Variants in CSMD3 observed in about 807,000 individuals in gnomAD.
CSMD3 encodes CUB and Sushi multiple domains 3.
CSMD3 carries 177 observed loss-of-function variants against 435.2 expected under a neutral mutation model. The ratio of observed to expected loss-of-function variants is 0.41; its 90% CI spans 0.36 to 0.46. The LOEUF is 0.46. Among genes scored for constraint, CSMD3 ranks in the 20% least tolerant of loss-of-function variants. The pLI, the probability that CSMD3 is intolerant of heterozygous loss-of-function variation, is 0.34. For missense variants in CSMD3, 4,265 were observed against 4,504.6 expected (o/e 0.95, Z 1.52); for synonymous variants, 1,656 against 1,520.5 (o/e 1.09, Z -2.07).
chr8:113,170,580 C>G (rs902240994), intron 4 of CSMD3, among the ~76,000 whole-genome samples: 1 of 152,072 alleles, frequency 6.6e-6, no homozygotes, highest in African/African-American at 2.4e-5. Context: ...TAATACCTTC[C>G]TTATCAAGAT....
At chr8:112,824,410 A>C (rs1318350215) in intron 12 of CSMD3, among the ~76,000 whole-genome samples, 1 of 152,000 alleles carries the variant, frequency 6.6e-6, no homozygotes, top group African/African-American at 2.4e-5. Context: ...TTTGGTCTTC[A>C]TATTTTGGTG....
Position 112,255,437 on chromosome 8 carries a change from AAAAG to A in CSMD3, c.9863-14_9863-11del. ...TCACCACAAAACTTTGCTGGAAATG[AAAAG>A]AAAGACGCTTATATCAAAGATTTAG... On this transcript the variant is annotated splice_polypyrimidine_tract_variant and intron_variant, in intron 61 of 70. Transcript: ENST00000297405. The A allele has an allele frequency of 6.2e-7, 1 of 1,613,396 alleles. No homozygotes were observed. The highest frequency in any genetic ancestry group is 8.5e-7 in the Non-Finnish European group (1 of 1,179,516).
chr8:112,237,081 T>C, intron 67 of CSMD3, 109 bp downstream of exon 67: 8 of 1,273,412 alleles, frequency 6.3e-6, no homozygotes, highest in Non-Finnish European at 9.1e-6. Flanking sequence ...CAAAAGCAAA[T>C]GTATCAAAAT....
At chr8:112,292,335 C>T (rs945056179) in intron 55 of CSMD3, among the ~76,000 whole-genome samples, 3 of 152,036 alleles carry the variant, frequency 2.0e-5, no homozygotes, top group Admixed American at 6.6e-5. Flanking sequence ...GAAATTAACT[C>T]TACCACTTTT....
chr8:112,599,943 G>A (rs374663968), intron 22 of CSMD3, among the ~76,000 whole-genome samples: 6 of 148,712 alleles, frequency 4.0e-5, no homozygotes, highest in Admixed American at 6.7e-5. Flanking sequence ...TGGGTGCAGC[G>A]CACCAGCATG....
At chr8:113,326,257 A>G (rs1273012694) in intron 1 of CSMD3, among the ~76,000 whole-genome samples, 3 of 152,154 alleles carry the variant, frequency 2.0e-5, no homozygotes, top group Non-Finnish European at 4.4e-5. Context: ...GAACATGTTG[A>G]TAGAGTTCAG....
At chr8:112,738,804 A>G (rs1366392734) in intron 13 of CSMD3, among the ~76,000 whole-genome samples, 1 of 151,744 alleles carries the variant, frequency 6.6e-6, no homozygotes, top group East Asian at 1.9e-4. Context: ...CAATAACTTT[A>G]TTTTAATGAA....
At chr8:112,613,918 T>A (rs998380488) in intron 22 of CSMD3, among the ~76,000 whole-genome samples, 1 of 151,980 alleles carries the variant, frequency 6.6e-6, no homozygotes, top group African/African-American at 2.4e-5. Context: ...AGGCCTAGAG[T>A]TTGAGACCAA....
At chr8:112,996,897 G>A (rs902295912) in intron 6 of CSMD3, among the ~76,000 whole-genome samples, 1 of 151,544 alleles carries the variant, frequency 6.6e-6, no homozygotes, top group Non-Finnish European at 1.5e-5. Flanking sequence ...GTTTCTTATG[G>A]AAGTCTTACA....
At chr8:112,827,872 C>T (rs943994519) in intron 12 of CSMD3, among the ~76,000 whole-genome samples, 23 of 152,080 alleles carry the variant, frequency 1.5e-4, no homozygotes, top group Admixed American at 3.9e-4. Flanking sequence ...ACAGTCCTAG[C>T]CAATTTTTGC....
intron 3 of CSMD3, among the ~76,000 whole-genome samples, chr8:113,210,141 T>G (rs2092817306): frequency 6.6e-6 from 1 of 151,980 alleles, no homozygotes; most frequent in Admixed American, 6.6e-5. Context: ...CATATTTTGC[T>G]TTTCACCAAT....
intron 13 of CSMD3, among the ~76,000 whole-genome samples, chr8:112,738,788 A>T (rs764229147): frequency 4.0e-5 from 6 of 151,722 alleles, no homozygotes; most frequent in Non-Finnish European, 5.9e-5. Context: ...TGTCTAAAAT[A>T]AAAAGCAATA....
chr8:113,026,184 G>C (rs977537023), intron 5 of CSMD3, among the ~76,000 whole-genome samples: 1 of 152,132 alleles, frequency 6.6e-6, no homozygotes, highest in Admixed American at 6.5e-5. Flanking sequence ...TGTATGTCGG[G>C]AACGGGGACT....
At chr8:112,715,112 C>CA (rs1439678486) in intron 13 of CSMD3, among the ~76,000 whole-genome samples, 6 of 151,626 alleles carry the variant, frequency 4.0e-5, no homozygotes, top group Admixed American at 6.6e-5. Context: ...AAAAACCCTT[C>CA]AAAAAAAGCA....
chr8:112,568,561 GAA>G (rs558484645), intron 24 of CSMD3, among the ~76,000 whole-genome samples: 1 of 129,560 alleles, frequency 7.7e-6, no homozygotes. Context: ...GCAAGGCACT[GAA>G]AAAAAAAAAA....
chr8:112,959,443 C>G (rs2084149249), intron 7 of CSMD3, among the ~76,000 whole-genome samples: 1 of 151,764 alleles, frequency 6.6e-6, no homozygotes, highest in Non-Finnish European at 1.5e-5. Context: ...TATTATAAAC[C>G]TATAATTCAA....
chr8:112,653,063 C>T (rs1272057088), intron 18 of CSMD3, among the ~76,000 whole-genome samples: 2 of 152,032 alleles, frequency 1.3e-5, no homozygotes, highest in East Asian at 1.9e-4. Flanking sequence ...GTGACACTCC[C>T]GCCTCAGCCT....
rs2131802727 is a variant in CSMD3 at position 112,685,461 on chromosome 8, C to T, written c.2427G>A (p.Leu809=). The change falls in exon 15 of 71, where the codon TTG becomes TTA. Residue 809 remains leucine (L), a synonymous_variant. Coordinates refer to ENST00000297405, the MANE Select transcript of CSMD3 (RefSeq NM_198123.2). The part of the protein sequence containing the change: ...HLTSNSHILR[L]EFQADHSMSG... ...ACATTGAGTGGTCAGCCTGAAATTC[C>T]AATCGCAGTATGTGACTATTACTAG... The T allele has an allele frequency of 6.2e-7, 1 of 1,613,954 alleles. No individual in the cohort carries two copies. The highest frequency in any genetic ancestry group is 8.5e-7 in the Non-Finnish European group (1 of 1,179,950).
intron 18 of CSMD3, among the ~76,000 whole-genome samples, chr8:112,654,668 G>A (rs2075213095): frequency 6.6e-6 from 1 of 152,106 alleles, no homozygotes; most frequent in African/African-American, 2.4e-5. Context: ...AAATGTAAAG[G>A]CTATCATTTA....
Sources: gnomAD v4.1 joint callset for allele counts (sites outside exome capture counted in the v4.1 genomes callset) on GRCh38, gnomAD v4.1.1 for gene constraint, MANE v1.5 for transcripts, NCBI Gene and HGNC (gene_info 2026-07-23, HGNC 2026-07-21) for gene names.